Variants in JAZF1 observed in about 807,000 individuals in gnomAD.
The protein encoded by JAZF1 is juxtaposed with another zinc finger protein 1.
Under a neutral mutation model 26.4 loss-of-function variants are expected in JAZF1, and 8 were observed. That is an observed-to-expected ratio of 0.30 (90% CI 0.18 to 0.55). The LOEUF (loss-of-function observed/expected upper bound fraction) is 0.55. JAZF1 is among the 20% of genes least tolerant of loss of function. The pLI, the probability that JAZF1 is intolerant of heterozygous loss-of-function variation, is 0.94. For synonymous variants in JAZF1, 126 were observed against 122.3 expected (o/e 1.03, Z -0.20); for missense variants, 199 against 322.0 (o/e 0.62, Z 2.92).
chr7:27,991,861 T>C, intron 2 of JAZF1, 48 bp downstream of exon 2: 1 of 961,018 alleles, frequency 1.0e-6, no homozygotes, highest in Non-Finnish European at 1.6e-6. Flanking sequence ...AAAAAGTCAA[T>C]AAGCAGCAGA....
chr7:27,848,120 G>T (rs1008930335), intron 3 of JAZF1, among the ~76,000 whole-genome samples: 2 of 152,086 alleles, frequency 1.3e-5, no homozygotes, highest in Non-Finnish European at 2.9e-5. Context: ...ATTCTGATAG[G>T]GATTGCACTG....
chr7:28,033,024 A>G (rs1278766155), intron 1 of JAZF1, among the ~76,000 whole-genome samples: 2 of 152,164 alleles, frequency 1.3e-5, no homozygotes, highest in African/African-American at 4.8e-5. Flanking sequence ...TACTCTCTAA[A>G]GATATTACTA....
At chr7:27,919,778 TTAAATAATTAATACGTAATCA>T (rs1784500063) in intron 2 of JAZF1, among the ~76,000 whole-genome samples, 1 of 152,208 alleles carries the variant, frequency 6.6e-6, no homozygotes, top group African/African-American at 2.4e-5. Flanking sequence ...ACACCATTTA[TTAAATAATTAATACGTAATCA>T]TTTCAAAAAG....
intron 1 of JAZF1, among the ~76,000 whole-genome samples, chr7:28,139,292 A>AGGTGCCATGAGGTGC (rs1782929234): frequency 6.6e-6 from 1 of 152,202 alleles, no homozygotes; most frequent in African/African-American, 2.4e-5. Context: ...GGCCCAGGGA[A>AGGTGCCATGAGGTGC]CAGTTAGTGC....
intron 2 of JAZF1, among the ~76,000 whole-genome samples, chr7:27,971,568 G>A (rs949734591): frequency 6.6e-6 from 1 of 152,152 alleles, no homozygotes; most frequent in African/African-American, 2.4e-5. Context: ...CAAATCAACA[G>A]TCTCAGCAAT....
intron 1 of JAZF1, among the ~76,000 whole-genome samples, chr7:28,046,696 T>C (rs1365765696): frequency 4.6e-5 from 7 of 152,200 alleles, no homozygotes; most frequent in Non-Finnish European, 1.0e-4. Context: ...ATCTGATACA[T>C]GAAAACTGAT....
chr7:28,036,398 T>A (rs1783294016), intron 1 of JAZF1, among the ~76,000 whole-genome samples: 1 of 152,258 alleles, frequency 6.6e-6, no homozygotes, highest in Non-Finnish European at 1.5e-5. Context: ...GCATATTATT[T>A]GAAAATATTA....
intron 3 of JAZF1, among the ~76,000 whole-genome samples, chr7:27,845,711 A>AAAAAAAAAAAAAAAAAAAAG (rs1554328474): frequency 7.3e-6 from 1 of 137,672 alleles, no homozygotes; most frequent in African/African-American, 2.8e-5. Flanking sequence ...AAAAAAAAAA[A>AAAAAAAAAAAAAAAAAAAAG]AAAGAAAAGA....
intron 2 of JAZF1, among the ~76,000 whole-genome samples, chr7:27,945,330 C>T (rs1464945398): frequency 6.6e-6 from 1 of 152,108 alleles, no homozygotes; most frequent in Non-Finnish European, 1.5e-5. Flanking sequence ...TGCCCAGCAC[C>T]AATTCCCTGG....
intron 3 of JAZF1, among the ~76,000 whole-genome samples, chr7:27,876,197 G>T (rs1783676363): frequency 6.6e-6 from 1 of 152,238 alleles, no homozygotes; most frequent in South Asian, 2.1e-4. Context: ...ACCCTCTAAT[G>T]CCTCTGGCCA....
At chr7:27,998,490 T>C (rs1424129456) in intron 1 of JAZF1, among the ~76,000 whole-genome samples, 2 of 152,172 alleles carry the variant, frequency 1.3e-5, no homozygotes, top group African/African-American at 2.4e-5. Flanking sequence ...AATTGTACAA[T>C]TGCACATAAC....
chr7:28,040,248 C>T (rs763086224), intron 1 of JAZF1, among the ~76,000 whole-genome samples: 5 of 152,134 alleles, frequency 3.3e-5, no homozygotes, highest in Non-Finnish European at 7.4e-5. Flanking sequence ...TTTATTCATT[C>T]ATTCACCCAC....
At chr7:27,842,524 A>G (rs867823504) in intron 3 of JAZF1, 1 of 152,108 alleles carries the variant, frequency 6.6e-6, no homozygotes, top group Non-Finnish European at 1.5e-5. Context: ...TCTGGCAAAC[A>G]TGAAGCTTTG....
At position 28,180,492 on chromosome 7, in the gene JAZF1, A is replaced by C; in HGVS notation, c.86T>G (p.Leu29Arg). Residue 29 changes from leucine to arginine, a missense_variant, in exon 1 of 5, where the codon CTC becomes CGC. This residue lies in a region of JAZF1 where 137 missense variants were observed against 184.8 expected (regional missense o/e 0.74). Transcript: ENST00000283928. ...GTGGTTGTCCTCGATGTGCTCGATG[A>C]GGTCGGCCAGGGTGGGGAAGTGGAG... ...CGLHFPTLAD[L>R]IEHIEDNHID... The C allele has an allele frequency of 6.2e-7, 1 of 1,609,902 alleles. No individual in the cohort carries two copies. The highest frequency in any genetic ancestry group is 8.5e-7 in the Non-Finnish European group (1 of 1,178,540).
chr7:28,166,588 A>G (rs1783371116), intron 1 of JAZF1, among the ~76,000 whole-genome samples: 2 of 152,232 alleles, frequency 1.3e-5, no homozygotes, highest in Admixed American at 1.3e-4. Context: ...ACATGTAATA[A>G]TTATGTTTTC....
At chr7:28,085,454 A>G (rs1784199080) in intron 1 of JAZF1, among the ~76,000 whole-genome samples, 1 of 152,224 alleles carries the variant, frequency 6.6e-6, no homozygotes, top group Admixed American at 6.5e-5. Flanking sequence ...TGAAATTTTT[A>G]TATGCAGCTT....
At chr7:27,870,075 A>ATTAT (rs1783553601) in intron 3 of JAZF1, among the ~76,000 whole-genome samples, 1 of 120,664 alleles carries the variant, frequency 8.3e-6, no homozygotes, top group Non-Finnish European at 1.7e-5. Flanking sequence ...CACCCGGTTA[A>ATTAT]TTTTTTTTTT....
At chr7:28,100,639 C>T (rs1274600525) in intron 1 of JAZF1, among the ~76,000 whole-genome samples, 1 of 152,072 alleles carries the variant, frequency 6.6e-6, no homozygotes, top group East Asian at 1.9e-4. Context: ...TAACTTAACC[C>T]ATCACAGAAG....
At chr7:27,973,341 T>G (rs1312831341) in intron 2 of JAZF1, among the ~76,000 whole-genome samples, 1 of 152,164 alleles carries the variant, frequency 6.6e-6, no homozygotes, top group East Asian at 1.9e-4. Flanking sequence ...GGTCTCACTC[T>G]TTTACCCAGG....
Sources: allele counts gnomAD v4.1 joint callset (sites outside exome capture counted in the v4.1 genomes callset), GRCh38; gene constraint gnomAD v4.1.1; regional missense constraint gnomAD v4.1.1; transcripts MANE v1.5; gene names NCBI Gene and HGNC (gene_info 2026-07-23, HGNC 2026-07-21).